Variants in FGFR1 observed in about 807,000 individuals in gnomAD.
The protein encoded by FGFR1 is FGFR1/PLAG1 fusion.
FGFR1 carries 18 observed loss-of-function variants against 93.7 expected under a neutral mutation model. That is an observed-to-expected ratio of 0.19 (90% CI 0.13 to 0.28). The LOEUF is 0.28. Ranked by LOEUF, FGFR1 falls within the 10% of genes least tolerant of loss-of-function variation. The pLI is 1.00. For missense variants in FGFR1, 731 were observed against 1,080.4 expected (o/e 0.68, Z 4.53); for synonymous variants, 448 against 429.3 (o/e 1.04, Z -0.54).
chr8:38,430,209 G>C, intron 2 of FGFR1: 1 of 546,594 alleles, frequency 1.8e-6, no homozygotes, highest in Non-Finnish European at 3.2e-6. Flanking sequence ...GGCAAAGTTA[G>C]GAAGCAGCTG....
chr8:38,417,577 GT>G (rs1295049502), intron 11 of FGFR1, 161 bp from the exon 12 acceptor site: 2 of 763,668 alleles, frequency 2.6e-6, no homozygotes, highest in Non-Finnish European at 4.5e-6. Context: ...CATGGGAGCC[GT>G]TGTTGCAATA....
Position 38,418,353 on chromosome 8 carries a change from T to C in FGFR1, c.1305A>G (p.Ala435=). 1 of 1,614,084 alleles carries C rather than the reference T, an allele frequency of 6.2e-7. No homozygotes were observed. The highest frequency in any genetic ancestry group is 8.5e-7 in the Non-Finnish European group (1 of 1,179,984). The change falls in exon 10 of 18, where the codon GCA becomes GCG. Residue 435 remains alanine (A), a synonymous_variant. Coordinates refer to ENST00000447712, the MANE Select transcript of FGFR1 (RefSeq NM_023110.3). ...RQVTVSADSS[A]SMNSGVLLVR... is the part of the protein sequence containing the mutation. The stretch of plus-strand genomic sequence containing the variant: ...CCAGAAGAACCCCAGAGTTCATGGA[T>C]GCACTGGAGTCAGCAGACACCTGCA...
intron 2 of FGFR1, among the ~76,000 whole-genome samples, chr8:38,442,468 T>A (rs980480983): frequency 3.3e-5 from 5 of 151,894 alleles, no homozygotes; most frequent in African/African-American, 1.2e-4. Context: ...CCCAGCCATG[T>A]GTCTGCAGCT....
intron 1 of FGFR1, among the ~76,000 whole-genome samples, chr8:38,461,597 C>T (rs561097557): frequency 2.0e-5 from 3 of 152,294 alleles, no homozygotes; most frequent in African/African-American, 7.2e-5. Flanking sequence ...GCATGAGCCA[C>T]CACACCCAGC....
intron 2 of FGFR1, among the ~76,000 whole-genome samples, chr8:38,436,092 G>T (rs1277322866): frequency 3.3e-5 from 5 of 152,138 alleles, no homozygotes; most frequent in Non-Finnish European, 7.4e-5. Flanking sequence ...AGTGCATTGC[G>T]GACTGGGTGC....
chr8:38,466,203 G>GCC (rs1382707990), intron 1 of FGFR1: 1 of 232,282 alleles, frequency 4.3e-6, no homozygotes, highest in Non-Finnish European at 8.5e-6. Flanking sequence ...CACAGAGAGC[G>GCC]CCTCTGGCAG....
intron 2 of FGFR1, among the ~76,000 whole-genome samples, chr8:38,442,621 A>C (rs537577652): frequency 4.8e-4 from 73 of 152,276 alleles, no homozygotes; most frequent in Non-Finnish European, 8.8e-4. Flanking sequence ...AAGTTCGGTC[A>C]GGTTCCTTAA....
Position 38,414,036 on chromosome 8 carries a change from T to C in FGFR1, c.2187-13A>G, listed in dbSNP as rs1815366146. On this transcript the variant is annotated splice_polypyrimidine_tract_variant and intron_variant, in intron 16 of 17. Transcript: ENST00000447712. ...CATCATCATGTACCTGCGGCAGGACTGTAAGGTCAGGGACGTCTCCTGGAG... is the reference window on the plus strand; with the variant it reads ...CATCATCATGTACCTGCGGCAGGACCGTAAGGTCAGGGACGTCTCCTGGAG... 1.2e-6 allele frequency: 2 copies of C among 1,613,896 alleles called. No homozygotes were observed. Among genetic ancestry groups the C allele is most frequent in the Non-Finnish European group, 8.5e-7 (1 of 1,179,878 alleles).
Position 38,424,197 on chromosome 8 carries a change from A to C in FGFR1, c.936+312T>G. ...GAAAGGCTCTGGTTTCGGGCAATGA[A>C]AAGGCAGGGGTCCAAATGCCTTCCT... On this transcript the variant is annotated intron_variant, in intron 7 of 17. Coordinates refer to ENST00000447712, the MANE Select transcript of FGFR1 (RefSeq NM_023110.3). The surrounding 1 kb of genome is among the most constrained non-coding windows in gnomAD (Gnocchi z 4.3). 2 of 508,872 alleles carry C rather than the reference A, an allele frequency of 3.9e-6. No homozygotes were observed. Among genetic ancestry groups the C allele is most frequent in the Non-Finnish European group, 7.5e-6 (2 of 267,032 alleles). 31.5% of individuals were successfully genotyped at this position (508,872 alleles called of 1,614,324 possible).
At chr8:38,453,923 C>T (rs1831906708) in intron 2 of FGFR1, among the ~76,000 whole-genome samples, 2 of 152,044 alleles carry the variant, frequency 1.3e-5, no homozygotes. Flanking sequence ...ACAAACAAAC[C>T]CAGCTGATCT....
intron 2 of FGFR1, among the ~76,000 whole-genome samples, chr8:38,450,393 C>A (rs1249471320): frequency 1.3e-5 from 2 of 152,164 alleles, no homozygotes; most frequent in Non-Finnish European, 2.9e-5. Flanking sequence ...GCTGGAGCCC[C>A]CAGTGGCCCC....
chr8:38,455,399 G>A (rs193155466), intron 2 of FGFR1, among the ~76,000 whole-genome samples: 1 of 152,138 alleles, frequency 6.6e-6, no homozygotes, highest in African/African-American at 2.4e-5. Flanking sequence ...TCCTGCCTCA[G>A]CTGGAGACTG....
rs531087668 is a variant in FGFR1 at position 38,417,860 on chromosome 8, C to T, written c.1552+10G>A. On this transcript the variant is annotated intron_variant, in intron 11 of 17. Coordinates refer to ENST00000447712, the MANE Select transcript of FGFR1 (RefSeq NM_023110.3). ...AAGATTTTCTTTGCAAGGACAGAAG[C>T]ATCACTTACACTTCAACATCTTCAC... The T allele has an allele frequency of 2.5e-6, 4 of 1,614,210 alleles. No homozygotes were observed. Among genetic ancestry groups the T allele is most frequent in the South Asian group, 1.1e-5 (1 of 91,082 alleles).
In FGFR1 at chr8:38,429,310, G is replaced by A. The variant is rs1338290496; in HGVS notation, c.358+372C>T. The A allele has an allele frequency of 9.0e-6, 5 of 556,894 alleles. No homozygotes were observed. Among genetic ancestry groups the A allele is most frequent in the South Asian group, 5.7e-5 (4 of 70,462 alleles). 34.5% of individuals were successfully genotyped at this position (556,894 alleles called of 1,614,324 possible). On this transcript the variant is annotated intron_variant, in intron 3 of 17. Transcript: ENST00000447712. The surrounding 1 kb of genome is among the most constrained non-coding windows in gnomAD (Gnocchi z 4.4). ...GTTCAGGGCCTCTAATCACTAAGCC[G>A]AGTACCAAGTCCAAATGGCAAGGGA...
Position 38,418,370 on chromosome 8 carries a change from A to T in FGFR1, c.1288T>A (p.Ser430Thr), listed in dbSNP as rs2150679834. ...TTCATGGATGCACTGGAGTCAGCAG[A>T]CACCTGCAAGGAAGAGTGGGGTCAC... ...SIPLRRQVTV[S>T]ADSSASMNSG... Residue 430 changes from serine (S) to threonine (T), a missense_variant, in exon 10 of 18, where the codon TCT becomes ACT. Ser to Thr is a moderately conservative substitution (Grantham distance 58, BLOSUM62 1). Coordinates refer to ENST00000447712, the MANE Select transcript of FGFR1 (RefSeq NM_023110.3). 6.2e-7 allele frequency: 1 copy of T among 1,613,874 alleles called. No homozygotes were observed. Among genetic ancestry groups the T allele is most frequent in the Non-Finnish European group, 8.5e-7 (1 of 1,179,884 alleles).
intron 8 of FGFR1, 183 bp from the exon 9 acceptor site, chr8:38,419,918 G>A (rs114602705): frequency 1.7e-6 from 1 of 605,152 alleles, no homozygotes; most frequent in African/African-American, 1.8e-5. Context: ...CCCTGATTTT[G>A]GAGGCTGCCT....
At chr8:38,423,393 C>T (rs1005584379) in intron 7 of FGFR1, 4 of 466,424 alleles carry the variant, frequency 8.6e-6, no homozygotes, top group Non-Finnish European at 1.2e-5. Flanking sequence ...GTGATCTCAG[C>T]TCACTGCAAC....
In FGFR1 at chr8:38,422,367, C is replaced by T. The variant is rs552548423; in HGVS notation, c.937-426G>A. 2.8e-5 allele frequency: 11 copies of T among 397,048 alleles called. No individual in the cohort carries two copies. In the South Asian group the frequency reaches 2.8e-4, roughly 10 times the overall value. The allele number at this position is 397,048 out of a possible 1,614,324, so 24.6% of individuals were successfully genotyped here. On this transcript the variant is annotated intron_variant, in intron 7 of 17. Transcript: ENST00000447712. ...ATACACACACGCACATGTGCATACA[C>T]AGCCAGCAGATGCGAGTATGCAAGG...
intron 1 of FGFR1, chr8:38,461,189 G>A (rs1254252305): frequency 6.6e-7 from 1 of 1,507,070 alleles, no homozygotes. Flanking sequence ...CCAACATACA[G>A]GGTGGACAGT....
Sources: gnomAD v4.1 joint callset for allele counts (sites outside exome capture counted in the v4.1 genomes callset) on GRCh38, gnomAD v4.1.1 for gene constraint, Gnocchi (gnomAD v3.1) non-coding constraint, MANE v1.5 for transcripts, NCBI Gene and HGNC (gene_info 2026-07-23, HGNC 2026-07-21) for gene names.